Variants in PPP3CA observed in about 807,000 individuals in gnomAD.
The protein encoded by PPP3CA is protein phosphatase 3 catalytic subunit alpha.
PPP3CA carries 14 observed loss-of-function variants against 66.5 expected under a neutral mutation model. The ratio of observed to expected loss-of-function variants is 0.21; its 90% CI spans 0.14 to 0.33. The LOEUF is 0.33. Ranked by LOEUF, PPP3CA falls within the 10% of genes least tolerant of loss-of-function variation. The probability of loss-of-function intolerance (pLI) is 1.00; values close to 1 mark genes in which losing one functional copy is unlikely to be tolerated. For synonymous variants in PPP3CA, 232 were observed against 226.2 expected (o/e 1.03, Z -0.23); for missense variants, 317 against 639.5 (o/e 0.50, Z 5.44).
intron 2 of PPP3CA, among the ~76,000 whole-genome samples, chr4:101,151,546 A>G (rs1229224149): frequency 6.7e-6 from 1 of 150,126 alleles, no homozygotes; most frequent in Non-Finnish European, 1.5e-5. Context: ...GTCACAAAGC[A>G]AGACTCTGTA....
chr4:101,217,649 C>T (rs753405802), intron 1 of PPP3CA, among the ~76,000 whole-genome samples: 3 of 152,138 alleles, frequency 2.0e-5, no homozygotes, highest in Non-Finnish European at 2.9e-5. Flanking sequence ...ATCTTCAAAT[C>T]GCTTTGCGTT....
At chr4:101,227,905 C>G (rs982136668) in intron 1 of PPP3CA, among the ~76,000 whole-genome samples, 1 of 151,650 alleles carries the variant, frequency 6.6e-6, no homozygotes, top group Non-Finnish European at 1.5e-5. Context: ...ATGTCTCATT[C>G]TTTTTTCCTG....
intron 2 of PPP3CA, chr4:101,171,020 G>A (rs1002294923): frequency 9.9e-6 from 3 of 303,926 alleles, no homozygotes; most frequent in African/African-American, 6.6e-5. Flanking sequence ...GCATCTACAG[G>A]AATACTTAAA....
chr4:101,123,235 T>C (rs1025241029), intron 2 of PPP3CA, among the ~76,000 whole-genome samples: 2 of 152,182 alleles, frequency 1.3e-5, no homozygotes, highest in Non-Finnish European at 2.9e-5. Context: ...CCTAGGATAG[T>C]GCCTGGCACA....
intron 1 of PPP3CA, among the ~76,000 whole-genome samples, chr4:101,236,586 C>T (rs1726139846): frequency 6.6e-6 from 1 of 151,948 alleles, no homozygotes; most frequent in Non-Finnish European, 1.5e-5. Context: ...GGAGTAATGG[C>T]CAGTCCTTTG....
rs568417849 is a variant in PPP3CA, at chr4:101,137,148, C to G, written c.260-28070G>C. Reference sequence around the variant, plus strand: ...GAGAGGTGTCTATTTAAATATGTACCTCTGTAGTTACATAAAAGAAGGGCT... The same window carrying G: ...GAGAGGTGTCTATTTAAATATGTACGTCTGTAGTTACATAAAAGAAGGGCT... On this transcript the variant is annotated intron_variant, in intron 2 of 13. Coordinates refer to ENST00000394854, the MANE Select transcript of PPP3CA (RefSeq NM_000944.5). Among the ~76,000 whole-genome samples, 21 of 152,100 alleles carry G rather than the reference C, an allele frequency of 1.4e-4. No homozygotes were observed. The Middle Eastern group carries it at 0.017, about 123-fold the overall frequency.
chr4:101,294,169 A>T (rs1398341312), intron 1 of PPP3CA, among the ~76,000 whole-genome samples: 4 of 152,264 alleles, frequency 2.6e-5, no homozygotes, highest in Non-Finnish European at 4.4e-5. Context: ...GGCTGAGGTC[A>T]TAAGAATCAC....
chr4:101,260,725 C>A (rs1476901179), intron 1 of PPP3CA, among the ~76,000 whole-genome samples: 1 of 152,134 alleles, frequency 6.6e-6, no homozygotes, highest in Non-Finnish European at 1.5e-5. Flanking sequence ...AAAAGTAATT[C>A]ATTCTATAAA....
chr4:101,131,231 C>T lies in PPP3CA; in HGVS notation c.260-22153G>A, dbSNP rs576545322. On this transcript the variant is annotated intron_variant, in intron 2 of 13. Coordinates refer to ENST00000394854, the MANE Select transcript of PPP3CA (RefSeq NM_000944.5). ...AGGCTGGGTGACAAAAGTGAGACTC[C>T]GTCTCAAAATAAATAAATAAATAAA... Among the ~76,000 whole-genome samples, 607 of 130,806 alleles carry T rather than the reference C, an allele frequency of 4.6e-3. 3 individuals carry two copies. Among genetic ancestry groups the T allele is most frequent in the South Asian group, 7.6e-3 (33 of 4,318 alleles). 85.8% of individuals were successfully genotyped at this position (130,806 alleles called of 152,430 possible). A position where few individuals can be genotyped will look rare whatever the true frequency, so the allele number is the denominator to read the frequency against.
chr4:101,199,380 G>A (rs1369788296), intron 1 of PPP3CA, among the ~76,000 whole-genome samples: 1 of 152,184 alleles, frequency 6.6e-6, no homozygotes. Flanking sequence ...ACATGAGCAG[G>A]CCAGGACTAG....
intron 12 of PPP3CA, among the ~76,000 whole-genome samples, chr4:101,030,366 C>T (rs1726886975): frequency 6.6e-6 from 1 of 152,064 alleles, no homozygotes; most frequent in African/African-American, 2.4e-5. Flanking sequence ...GAATGGTTAT[C>T]ACCATGGAGA....
chr4:101,263,594 TG>T (rs1168460977), intron 1 of PPP3CA, among the ~76,000 whole-genome samples: 2 of 99,742 alleles, frequency 2.0e-5, no homozygotes, highest in Non-Finnish European at 4.9e-5. Flanking sequence ...TGATATCTAG[TG>T]TTTTTTTTTT....
chr4:101,085,049 A>C (rs1010828584), intron 6 of PPP3CA, among the ~76,000 whole-genome samples: 2 of 152,196 alleles, frequency 1.3e-5, no homozygotes, highest in African/African-American at 4.8e-5. Flanking sequence ...ACAAAAACAA[A>C]AACAAAGAAA....
intron 2 of PPP3CA, among the ~76,000 whole-genome samples, chr4:101,134,401 A>G (rs1410514946): frequency 4.6e-5 from 7 of 152,232 alleles, no homozygotes; most frequent in African/African-American, 1.4e-4. Context: ...AAAAAAACAA[A>G]GAAGCTCATC....
At chr4:101,146,208 C>A (rs1216422909) in intron 2 of PPP3CA, among the ~76,000 whole-genome samples, 1 of 152,152 alleles carries the variant, frequency 6.6e-6, no homozygotes, top group Non-Finnish European at 1.5e-5. Flanking sequence ...CTGCTTTATC[C>A]AAAAACACCT....
chr4:101,108,637 G>A lies in PPP3CA; in HGVS notation c.384+317C>T, dbSNP rs373671184. ...AAAAATTAACTGGGCATGGTGGTGGGCGCGTGTAATCCCAGCTACTCAGGA... is the reference window on the plus strand; with the variant it reads ...AAAAATTAACTGGGCATGGTGGTGGACGCGTGTAATCCCAGCTACTCAGGA... On this transcript the variant is annotated intron_variant, in intron 3 of 13. Transcript: ENST00000394854. Among the ~76,000 whole-genome samples the A allele has an allele frequency of 1.5e-3, 222 of 152,156 alleles. 1 individual carries two copies. The highest frequency in any genetic ancestry group is 5.2e-3 in the African/African-American group (214 of 41,526).
intron 2 of PPP3CA, among the ~76,000 whole-genome samples, chr4:101,137,279 G>A (rs1722652714): frequency 1.3e-5 from 2 of 152,058 alleles, no homozygotes; most frequent in Middle Eastern, 3.2e-3. Context: ...CCAAACCTAG[G>A]ATTATTTCAT....
At position 101,166,120 on chromosome 4, in the gene PPP3CA, C is replaced by T. The variant is rs558624748; in HGVS notation, c.259+29796G>A. The stretch of plus-strand genomic sequence containing the variant: ...AAAGTATTTTAGGATGAAACATATA[C>T]AACAACCATTTAGATAATGAAGTAC... On this transcript the variant is annotated intron_variant, in intron 2 of 13. Transcript: ENST00000394854. Among the ~76,000 whole-genome samples the T allele has an allele frequency of 5.3e-5, 8 of 152,150 alleles. No individual in the cohort carries two copies. The South Asian group carries it at 1.7e-3, about 32-fold the overall frequency.
At chr4:101,049,934 T>C (rs1170883645) in intron 10 of PPP3CA, among the ~76,000 whole-genome samples, 2 of 152,104 alleles carry the variant, frequency 1.3e-5, no homozygotes, top group African/African-American at 4.8e-5. Flanking sequence ...AATGAGCTTA[T>C]CTGAAAGAAG....
Sources: gnomAD v4.1 joint callset for allele counts (sites outside exome capture counted in the v4.1 genomes callset) on GRCh38, gnomAD v4.1.1 for gene constraint, MANE v1.5 for transcripts, NCBI Gene and HGNC (gene_info 2026-07-23, HGNC 2026-07-21) for gene names.